Variants in WWOX observed in about 807,000 individuals in gnomAD.
WWOX encodes WW domain-containing oxidoreductase.
Under a neutral mutation model 46.2 loss-of-function variants are expected in WWOX, and 69 were observed. The ratio of observed to expected loss-of-function variants is 1.49; its 90% CI spans 1.23 to 1.82. WWOX has a LOEUF of 1.82. Among genes scored for constraint, WWOX ranks in the 40% most tolerant of loss-of-function variants. The probability of loss-of-function intolerance (pLI) is 0.00; values close to 1 mark genes in which losing one functional copy is unlikely to be tolerated. For missense variants in WWOX, 919 were observed against 542.6 expected (o/e 1.69, Z -6.89); for synonymous variants, 359 against 202.6 (o/e 1.77, Z -6.56).
intron 8 of WWOX, among the ~76,000 whole-genome samples, chr16:79,006,560 T>G (rs2047195154): frequency 6.6e-6 from 1 of 152,180 alleles, no homozygotes. Context: ...GGCACTGTAT[T>G]TGTTTTCAAT....
chr16:78,656,828 G>T (rs1229623817), intron 8 of WWOX, among the ~76,000 whole-genome samples: 1 of 152,148 alleles, frequency 6.6e-6, no homozygotes, highest in Non-Finnish European at 1.5e-5. Context: ...AGACTGGTGA[G>T]TTCTAGACTT....
intron 8 of WWOX, among the ~76,000 whole-genome samples, chr16:78,875,687 C>G (rs982101660): frequency 3.9e-5 from 6 of 152,296 alleles, no homozygotes; most frequent in African/African-American, 9.6e-5. Context: ...ATAAACAAGA[C>G]TTGGTTTTTC....
At chr16:78,297,312 G>GT (rs2079959202) in intron 5 of WWOX, among the ~76,000 whole-genome samples, 1 of 152,062 alleles carries the variant, frequency 6.6e-6, no homozygotes, top group Non-Finnish European at 1.5e-5. Context: ...CCTGAACCCT[G>GT]TTCCATGGCC....
intron 8 of WWOX, among the ~76,000 whole-genome samples, chr16:78,767,847 A>G (rs1333792218): frequency 1.3e-5 from 2 of 152,062 alleles, no homozygotes; most frequent in African/African-American, 2.4e-5. Flanking sequence ...CCGTTTGTGT[A>G]TCTTCTTTGG....
At chr16:78,169,005 C>A (rs1201981022) in intron 5 of WWOX, among the ~76,000 whole-genome samples, 2 of 151,996 alleles carry the variant, frequency 1.3e-5, no homozygotes, top group African/African-American at 4.8e-5. Context: ...AAGGCCAATC[C>A]ATTTGGCATA....
At chr16:78,277,786 C>T (rs537943221) in intron 5 of WWOX, among the ~76,000 whole-genome samples, 9 of 152,124 alleles carry the variant, frequency 5.9e-5, no homozygotes, top group African/African-American at 1.2e-4. Context: ...TGAAGGAAAG[C>T]GAGATAAATG....
At chr16:78,139,713 C>G (rs191215893) in intron 4 of WWOX, among the ~76,000 whole-genome samples, 2 of 152,230 alleles carry the variant, frequency 1.3e-5, no homozygotes, top group East Asian at 1.9e-4. Flanking sequence ...AGTTCTTTGT[C>G]TTACCTTAGG....
At chr16:78,854,382 A>G (rs1298486934) in intron 8 of WWOX, among the ~76,000 whole-genome samples, 1 of 152,198 alleles carries the variant, frequency 6.6e-6, no homozygotes, top group Non-Finnish European at 1.5e-5. Flanking sequence ...AATGTTTGAA[A>G]TTATCATGAA....
At chr16:78,876,001 T>G (rs1422080927) in intron 8 of WWOX, among the ~76,000 whole-genome samples, 1 of 152,124 alleles carries the variant, frequency 6.6e-6, no homozygotes, top group African/African-American at 2.4e-5. Context: ...CCACTTTAGG[T>G]CTCCCACCCT....
chr16:78,265,273 G>A (rs1438750176), intron 5 of WWOX, among the ~76,000 whole-genome samples: 1 of 152,042 alleles, frequency 6.6e-6, no homozygotes, highest in African/African-American at 2.4e-5. Flanking sequence ...GGAATTACAG[G>A]CATAAGCCAC....
chr16:79,089,311 C>T (rs571891219), intron 8 of WWOX, among the ~76,000 whole-genome samples: 2 of 146,830 alleles, frequency 1.4e-5, no homozygotes, highest in South Asian at 4.3e-4. Flanking sequence ...TTAGCGTCAT[C>T]ATGAACGTTC....
At chr16:78,909,376 G>C (rs889918845) in intron 8 of WWOX, among the ~76,000 whole-genome samples, 4 of 152,170 alleles carry the variant, frequency 2.6e-5, no homozygotes, top group Non-Finnish European at 4.4e-5. Flanking sequence ...TCTCTGTTCA[G>C]CTGTTAAGAT....
chr16:78,190,032 G>C (rs913234158), intron 5 of WWOX, among the ~76,000 whole-genome samples: 1 of 152,122 alleles, frequency 6.6e-6, no homozygotes, highest in African/African-American at 2.4e-5. Flanking sequence ...ATCTTGTCCA[G>C]CACATGTGTC....
At chr16:79,098,975 T>G (rs1345280806) in intron 8 of WWOX, among the ~76,000 whole-genome samples, 1 of 152,198 alleles carries the variant, frequency 6.6e-6, no homozygotes, top group Non-Finnish European at 1.5e-5. Flanking sequence ...ACAGTTCTCA[T>G]GCCTGGAAAG....
intron 8 of WWOX, among the ~76,000 whole-genome samples, chr16:79,142,534 G>A (rs574678210): frequency 6.6e-6 from 1 of 152,280 alleles, no homozygotes; most frequent in African/African-American, 2.4e-5. Flanking sequence ...AGGCATCTGG[G>A]AAGAGGTAAC....
At chr16:78,949,546 T>G (rs2046016321) in intron 8 of WWOX, among the ~76,000 whole-genome samples, 1 of 152,228 alleles carries the variant, frequency 6.6e-6, no homozygotes, top group African/African-American at 2.4e-5. Flanking sequence ...AATTATTGCT[T>G]TTGACCAACC....
chr16:79,208,917 G>A (rs981644546), intron 8 of WWOX, among the ~76,000 whole-genome samples: 1 of 152,206 alleles, frequency 6.6e-6, no homozygotes, highest in Non-Finnish European at 1.5e-5. Flanking sequence ...TCCAGCAAGG[G>A]AGGAAAGTAG....
chr16:78,618,023 A>C (rs897041381), intron 8 of WWOX, among the ~76,000 whole-genome samples: 2 of 152,202 alleles, frequency 1.3e-5, no homozygotes, highest in Non-Finnish European at 2.9e-5. Context: ...GCTATGAGCC[A>C]GATGTAGTGT....
chr16:79,035,148 C>T (rs1012592450), intron 8 of WWOX, among the ~76,000 whole-genome samples: 8 of 152,156 alleles, frequency 5.3e-5, no homozygotes, highest in Admixed American at 6.5e-5. Context: ...CATCATTTGA[C>T]CGTCAGTATT....
Sources: gnomAD v4.1 joint callset for allele counts (sites outside exome capture counted in the v4.1 genomes callset) on GRCh38, gnomAD v4.1.1 for gene constraint, MANE v1.5 for transcripts, NCBI Gene and HGNC (gene_info 2026-07-23, HGNC 2026-07-21) for gene names.